Variants in HYDIN observed in about 807,000 individuals in gnomAD.
HYDIN encodes the protein axonemal central pair apparatus protein HYDIN.
In HYDIN, 132 loss-of-function variants were observed where a neutral mutation model predicts 403.9. That is an observed-to-expected ratio of 0.33 (90% CI 0.28 to 0.38). HYDIN has a LOEUF of 0.38. Among genes scored for constraint, HYDIN ranks in the 10% least tolerant of loss-of-function variants. The probability of loss-of-function intolerance (pLI) is 1.00; values close to 1 mark genes in which losing one functional copy is unlikely to be tolerated. For synonymous variants in HYDIN, 1,202 were observed against 1,891.7 expected (o/e 0.64, Z 9.46); for missense variants, 2,827 against 5,009.5 (o/e 0.56, Z 13.15).
intron 1 of HYDIN, among the ~76,000 whole-genome samples, chr16:71,218,847 A>C (rs778388752): frequency 6.6e-6 from 1 of 152,180 alleles, no homozygotes; most frequent in Non-Finnish European, 1.5e-5. Flanking sequence ...CTTTGTTTCC[A>C]TCTCCCACCA....
rs9930631 is a variant in HYDIN, at chr16:70,805,095, C to T, written c.*2485G>A. ...GGACCAATTGCTTCCCTTCTCCTAA[C>T]CTATACCTCTGGTGAATAGGTGGAA... On this transcript the variant is annotated 3_prime_UTR_variant, in exon 86 of 86. Coordinates refer to ENST00000393567, the MANE Select transcript of HYDIN (RefSeq NM_001270974.2). Among the ~76,000 whole-genome samples the T allele has an allele frequency of 0.039, 5,905 of 152,312 alleles. 367 individuals carry two copies. The highest frequency in any genetic ancestry group is 0.13 in the African/African-American group (5,451 of 41,550).
At chr16:70,926,148 C>T (rs200128253) in intron 45 of HYDIN, among the ~76,000 whole-genome samples, 12 of 146,636 alleles carry the variant, frequency 8.2e-5, no homozygotes, top group African/African-American at 3.0e-4. Context: ...ACTGCTATAA[C>T]GACACATGCG....
intron 3 of HYDIN, among the ~76,000 whole-genome samples, chr16:71,180,210 C>A: frequency 1.3e-5 from 2 of 151,110 alleles, no homozygotes; most frequent in South Asian, 2.1e-4. Flanking sequence ...CAATAGAACC[C>A]AAATTCAGTA....
intron 10 of HYDIN, among the ~76,000 whole-genome samples, chr16:71,098,443 C>T (rs112972027): frequency 2.0e-5 from 3 of 151,846 alleles, no homozygotes; most frequent in South Asian, 2.1e-4. Context: ...ACCTCAAGAT[C>T]CGCCCGCCTC....
chr16:71,181,298 C>T (rs2086893925), intron 3 of HYDIN, among the ~76,000 whole-genome samples: 1 of 150,832 alleles, frequency 6.6e-6, no homozygotes, highest in Non-Finnish European at 1.5e-5. Flanking sequence ...ATTCGAAGAA[C>T]AAGATAGGAG....
rs752016775 is a variant in HYDIN at position 71,069,289 on chromosome 16, G to C, written c.1952C>G (p.Pro651Arg). Residue 651 changes from proline (P) to arginine (R), a missense_variant, in exon 14 of 86, where the codon CCC (proline) becomes CGC (arginine). Physicochemically the swap from Pro to Arg is moderately radical, Grantham distance 103. Transcript: ENST00000393567. ...TISPDCGTIR[P>R]QGFAAIRVTL... ...TACCCTGATAGCAGCAAATCCCTGG[G>C]GGCGAATGGTGCCACAGTCAGGAGA... is the stretch of plus-strand genomic sequence containing the variant. 5 of 1,613,324 alleles carry C rather than the reference G, an allele frequency of 3.1e-6. No individual in the cohort carries two copies. In the East Asian group the frequency reaches 1.1e-4, roughly 36 times the overall value.
At position 71,058,766 on chromosome 16, in the gene HYDIN, A is replaced by G. The variant is rs187038369; in HGVS notation, c.2529+1738T>C. Among the ~76,000 whole-genome samples, 592 of 152,180 alleles carry G rather than the reference A, an allele frequency of 3.9e-3. 3 individuals are homozygous for G. The Middle Eastern group carries it at 0.044, about 11-fold the overall frequency. On this transcript the variant is annotated intron_variant, in intron 18 of 85. Coordinates refer to ENST00000393567, the MANE Select transcript of HYDIN (RefSeq NM_001270974.2). ...GAAATACAGTTGACCCTTGAACAAC[A>G]TGAGTTTGAACGGCATCAGTCCACT...
chr16:70,962,122 G>T lies in HYDIN; in HGVS notation c.5805C>A (p.Thr1935=), dbSNP rs752959627. 30 of 840,320 alleles carry T rather than the reference G, an allele frequency of 3.6e-5. No individual in the cohort carries two copies. Among genetic ancestry groups the T allele is most frequent in the Non-Finnish European group, 5.0e-5 (28 of 554,880 alleles). The allele number at this position is 840,320 out of a possible 1,614,324, so 52.1% of individuals were successfully genotyped here. ...LAQENEEEDI[T]SSDQGTSNST... is the part of the protein sequence containing the mutation. ...TATTGGAGGTTCCCTGATCTGATGA[G>T]GTTATATCTTCCTCTTCTGCCAGGT... Residue 1935 remains threonine, a synonymous_variant, in exon 38 of 86, where the codon ACC becomes ACA. Transcript: ENST00000393567.
At chr16:70,976,930 G>A (rs974079618) in intron 30 of HYDIN, among the ~76,000 whole-genome samples, 2 of 151,964 alleles carry the variant, frequency 1.3e-5, no homozygotes, top group East Asian at 3.9e-4. Flanking sequence ...GTGACAAACT[G>A]GGAGAGGAGC....
At chr16:70,915,188 T>A (rs2076801179) in intron 47 of HYDIN, among the ~76,000 whole-genome samples, 1 of 151,948 alleles carries the variant, frequency 6.6e-6, no homozygotes, top group Non-Finnish European at 1.5e-5. Flanking sequence ...TGAGCTACTG[T>A]GATTTTGGGG....
At chr16:70,820,752 G>C (rs1370182288) in intron 83 of HYDIN, among the ~76,000 whole-genome samples, 1 of 151,376 alleles carries the variant, frequency 6.6e-6, no homozygotes, top group Non-Finnish European at 1.5e-5. Context: ...GGGTTCAAGT[G>C]ACTCTCCAGC....
At chr16:71,194,779 G>GT (rs2087609126) in intron 1 of HYDIN, among the ~76,000 whole-genome samples, 1 of 152,238 alleles carries the variant, frequency 6.6e-6, no homozygotes, top group Non-Finnish European at 1.5e-5. Flanking sequence ...CAGGTCTACA[G>GT]TCATCTGAAG....
chr16:71,070,261 TTCTTTCTC>T (rs1045980888), intron 13 of HYDIN, among the ~76,000 whole-genome samples: 2 of 151,118 alleles, frequency 1.3e-5, no homozygotes, highest in African/African-American at 4.9e-5. Flanking sequence ...CTTTCTTTCT[TTCTTTCTC>T]TCTCCTTCCT....
In HYDIN at chr16:70,807,049, G is replaced by A. The variant is rs887595814; in HGVS notation, c.*531C>T. ...GACACTGATGGTATAAAAGCCAAGA[G>A]AAAAAGTGATGGGAGTGTCCCTGGA... is the stretch of plus-strand genomic sequence containing the variant. On this transcript the variant is annotated 3_prime_UTR_variant, in exon 86 of 86. Coordinates refer to ENST00000393567, the MANE Select transcript of HYDIN (RefSeq NM_001270974.2). Among the ~76,000 whole-genome samples, 1 of 152,188 alleles carries A rather than the reference G, an allele frequency of 6.6e-6. No homozygotes were observed. Among genetic ancestry groups the A allele is most frequent in the East Asian group, 1.9e-4 (1 of 5,196 alleles).
intron 44 of HYDIN, among the ~76,000 whole-genome samples, chr16:70,936,540 AT>A (rs58496012): frequency 1.8e-3 from 120 of 67,500 alleles, no homozygotes; most frequent in African/African-American, 1.9e-3. Context: ...GAAAATAAGA[AT>A]TTTTTTTTTT....
At chr16:70,816,392 A>G (rs1320395668) in intron 84 of HYDIN, among the ~76,000 whole-genome samples, 1 of 150,128 alleles carries the variant, frequency 6.7e-6, no homozygotes, top group Non-Finnish European at 1.5e-5. Context: ...TGAACTGAAT[A>G]AAAAACACTA....
intron 9 of HYDIN, among the ~76,000 whole-genome samples, chr16:71,125,289 C>T (rs917720818): frequency 6.6e-6 from 1 of 152,072 alleles, no homozygotes; most frequent in African/African-American, 2.4e-5. Context: ...AATCCCCTCC[C>T]ACAAATTTTA....
chr16:70,891,176 A>T (rs1226113886), intron 57 of HYDIN, among the ~76,000 whole-genome samples: 2 of 151,820 alleles, frequency 1.3e-5, no homozygotes, highest in Non-Finnish European at 2.9e-5. Context: ...TATAGTATTT[A>T]AAAAAAAATT....
chr16:71,162,856 T>G lies in HYDIN; in HGVS notation c.517-126A>C, dbSNP rs1442955344. The G allele has an allele frequency of 7.4e-5, 44 of 594,764 alleles. No individual in the cohort carries two copies. In the East Asian group the frequency reaches 1.0e-3, roughly 14 times the overall value. The allele number at this position is 594,764 out of a possible 1,614,324, so 36.8% of individuals were successfully genotyped here. On this transcript the variant is annotated intron_variant, in intron 5 of 85. Coordinates refer to ENST00000393567, the MANE Select transcript of HYDIN (RefSeq NM_001270974.2). Reference sequence around the variant, plus strand: ...TTAGTATAGTTCTATGAAAACATCTTAAAACAATTACAGAAGTACTTTCAA... The same window carrying G: ...TTAGTATAGTTCTATGAAAACATCTGAAAACAATTACAGAAGTACTTTCAA...
Sources: gnomAD v4.1 joint callset for allele counts (sites outside exome capture counted in the v4.1 genomes callset) on GRCh38, gnomAD v4.1.1 for gene constraint, MANE v1.5 for transcripts, NCBI Gene and HGNC (gene_info 2026-07-23, HGNC 2026-07-21) for gene names.